Variants in NEK6 observed in about 807,000 individuals in gnomAD.
NEK6 encodes the protein serine/threonine-protein kinase Nek6.
A neutral mutation model predicts 43.5 loss-of-function variants in NEK6; 27 were observed. The ratio of observed to expected loss-of-function variants is 0.62; its 90% CI spans 0.46 to 0.86. NEK6 has a LOEUF of 0.86. NEK6 is among the 40% of genes least tolerant of loss of function. NEK6 has a pLI of 0.00. For missense variants in NEK6, 318 were observed against 414.4 expected, an observed-to-expected ratio of 0.77 and a Z score of 2.02; for synonymous variants, 167 against 164.1, an observed-to-expected ratio of 1.02 and a Z score of -0.14.
At position 124,329,088 on chromosome 9, in the gene NEK6, C is replaced by T. The variant is rs1219405118; in HGVS notation, c.622+1643C>T. On this transcript the variant is annotated intron_variant, in intron 7 of 9. Transcript: ENST00000320246. Reference sequence around the variant, plus strand: ...TCCAGGAAACGAGGGCCGGGGGCCTCGGCAGATACCGTTGGAGTCCCCCTT... The same window carrying T: ...TCCAGGAAACGAGGGCCGGGGGCCTTGGCAGATACCGTTGGAGTCCCCCTT... 2.6e-5 allele frequency among the ~76,000 whole-genome samples: 4 copies of T among 152,220 alleles called. No homozygotes were observed. The East Asian group carries it at 7.7e-4, about 29-fold the overall frequency.
At chr9:124,258,353 G>T (rs1456918302) in intron 1 of NEK6, 1 of 984,890 alleles carries the variant, frequency 1.0e-6, no homozygotes, top group African/African-American at 1.7e-5. Context: ...GTCTGGTGGC[G>T]TTGTTGGGGT....
intron 1 of NEK6, chr9:124,292,969 C>T: frequency 1.3e-6 from 2 of 1,575,196 alleles, no homozygotes; most frequent in African/African-American, 1.4e-5. Flanking sequence ...TGCTGGGAGG[C>T]AGCTCATTTC....
At chr9:124,331,088 C>A (rs952889136) in intron 7 of NEK6, among the ~76,000 whole-genome samples, 2 of 151,836 alleles carry the variant, frequency 1.3e-5, no homozygotes, top group African/African-American at 4.8e-5. Context: ...TATGGTGAAA[C>A]CTCGTCGCTA....
At chr9:124,328,159 T>C (rs1256438580) in intron 7 of NEK6, among the ~76,000 whole-genome samples, 1 of 152,062 alleles carries the variant, frequency 6.6e-6, no homozygotes, top group Non-Finnish European at 1.5e-5. Context: ...GGTGAAGCAA[T>C]GGCAAGCTTC....
intron 1 of NEK6, among the ~76,000 whole-genome samples, chr9:124,280,805 T>C (rs139919505): frequency 7.3e-4 from 111 of 152,304 alleles, no homozygotes; most frequent in African/African-American, 2.5e-3. Context: ...ATTTTTTTCT[T>C]TTTTTGAGAC....
At chr9:124,292,438 G>A in intron 1 of NEK6, 1 of 1,536,768 alleles carries the variant, frequency 6.5e-7, no homozygotes, top group Non-Finnish European at 8.7e-7. Context: ...GCCCCTTCCT[G>A]CCTGTGGGAA....
intron 1 of NEK6, among the ~76,000 whole-genome samples, chr9:124,278,790 A>G (rs1180780196): frequency 6.6e-6 from 1 of 152,190 alleles, no homozygotes; most frequent in Non-Finnish European, 1.5e-5. Flanking sequence ...TAAGATGCCC[A>G]GCAAAGAAGT....
intron 1 of NEK6, among the ~76,000 whole-genome samples, chr9:124,287,226 C>T (rs1388400157): frequency 6.6e-6 from 1 of 152,160 alleles, no homozygotes; most frequent in Non-Finnish European, 1.5e-5. Flanking sequence ...ATTGGGGCCC[C>T]CAGGTCCTCC....
At chr9:124,292,406 T>C (rs1258216934) in intron 1 of NEK6, 1 of 1,527,444 alleles carries the variant, frequency 6.5e-7, no homozygotes, top group African/African-American at 1.4e-5. Flanking sequence ...AAGCAATTCT[T>C]TCTCTAGGGT....
At chr9:124,320,761 A>T (rs921258265) in intron 4 of NEK6, among the ~76,000 whole-genome samples, 12 of 152,170 alleles carry the variant, frequency 7.9e-5, no homozygotes, top group African/African-American at 2.7e-4. Flanking sequence ...TGAGCAAATC[A>T]GCCGGGCAGC....
intron 1 of NEK6, among the ~76,000 whole-genome samples, chr9:124,268,589 C>T (rs183480581): frequency 9.2e-5 from 14 of 152,320 alleles, no homozygotes; most frequent in Admixed American, 9.2e-4. Context: ...TCCTGGCTCT[C>T]TCTCTGCTTG....
At position 124,347,801 on chromosome 9, in the gene NEK6, C is replaced by T. The variant is rs201681080; in HGVS notation, c.810C>T (p.Pro270=). The part of the protein sequence containing the change: ...KIEQCDYPPL[P]GEHYSEKLRE... ...AGCAGTGTGACTACCCCCCACTCCC[C>T]GGGGAGCACTACTCCGAGAAGGTGA... Residue 270 remains proline, a synonymous_variant, in exon 9 of 10, where the codon CCC becomes CCT. Coordinates refer to ENST00000320246, the MANE Select transcript of NEK6 (RefSeq NM_014397.6). 12 of 1,611,178 alleles carry T rather than the reference C, an allele frequency of 7.4e-6. No individual in the cohort carries two copies. Among genetic ancestry groups the T allele is most frequent in the African/African-American group, 4.0e-5 (3 of 74,940 alleles).
Position 124,290,807 on chromosome 9 carries a change from G to A in NEK6, c.-29-11129G>A, listed in dbSNP as rs897395124. ...GGCCACCTCAGGTTTTCTACCTGTTGTCCAAAGCTCCCCGTGACCTGGCCC... is the reference window on the plus strand; with the variant it reads ...GGCCACCTCAGGTTTTCTACCTGTTATCCAAAGCTCCCCGTGACCTGGCCC... On this transcript the variant is annotated intron_variant, in intron 1 of 9. Transcript: ENST00000320246. Among the ~76,000 whole-genome samples the A allele has an allele frequency of 6.6e-5, 10 of 152,216 alleles. No individual in the cohort carries two copies. The East Asian group carries it at 1.7e-3, about 26-fold the overall frequency.
At chr9:124,320,268 G>A (rs1250509947) in intron 4 of NEK6, among the ~76,000 whole-genome samples, 5 of 152,228 alleles carry the variant, frequency 3.3e-5, no homozygotes, top group Non-Finnish European at 7.3e-5. Context: ...CCTGGTGAGA[G>A]GATGGACGCA....
intron 8 of NEK6, among the ~76,000 whole-genome samples, chr9:124,342,064 G>C (rs1338291063): frequency 6.6e-6 from 1 of 152,168 alleles, no homozygotes; most frequent in African/African-American, 2.4e-5. Flanking sequence ...AATCCAGGCA[G>C]GTGGCCACTC....
chr9:124,327,673 T>TG (rs1241514722), intron 7 of NEK6, among the ~76,000 whole-genome samples: 1 of 152,176 alleles, frequency 6.6e-6, no homozygotes, highest in African/African-American at 2.4e-5. Flanking sequence ...TCCCAGCCCT[T>TG]GCGGGAGAAG....
In NEK6 at chr9:124,264,636, C is replaced by T. The variant is rs568270281; in HGVS notation, c.-30+6551C>T. On this transcript the variant is annotated intron_variant, in intron 1 of 9. Transcript: ENST00000320246. Reference sequence around the variant, plus strand: ...CCCAGCCAACATGGCAAAACCCCATCGCTACTAAAAATACGAAAAATTAGC... The same window carrying T: ...CCCAGCCAACATGGCAAAACCCCATTGCTACTAAAAATACGAAAAATTAGC... Among the ~76,000 whole-genome samples the T allele has an allele frequency of 4.3e-3, 655 of 152,114 alleles. 6 individuals carry two copies. Among genetic ancestry groups the T allele is most frequent in the Non-Finnish European group, 7.0e-3 (475 of 67,982 alleles).
chr9:124,312,131 G>A (rs745556761), intron 2 of NEK6, among the ~76,000 whole-genome samples: 14 of 152,344 alleles, frequency 9.2e-5, no homozygotes, highest in African/African-American at 1.9e-4. Context: ...CCGGCTTACC[G>A]GACCCCAGTT....
chr9:124,331,419 G>C (rs976932832), intron 7 of NEK6, among the ~76,000 whole-genome samples: 1 of 151,892 alleles, frequency 6.6e-6, no homozygotes, highest in East Asian at 1.9e-4. Flanking sequence ...AGAGCCCCAC[G>C]GGAAATCAGC....
Sources: allele counts gnomAD v4.1 joint callset (sites outside exome capture counted in the v4.1 genomes callset), GRCh38; gene constraint gnomAD v4.1.1; transcripts MANE v1.5; gene names NCBI Gene and HGNC (gene_info 2026-07-23, HGNC 2026-07-21).